AZU1: variants seen among roughly 807,000 people sequenced by gnomAD.
AZU1 encodes azurocidin.
In AZU1, 21 loss-of-function variants were observed where a neutral mutation model predicts 17.8. The ratio of observed to expected loss-of-function variants is 1.18; its 90% CI spans 0.84 to 1.70. AZU1 has a LOEUF of 1.70. AZU1 is among the 40% of genes most tolerant of loss of function. The pLI, the probability that AZU1 is intolerant of heterozygous loss-of-function variation, is 0.00. For missense variants in AZU1, 379 were observed against 362.9 expected (o/e 1.04, Z -0.36); for synonymous variants, 178 against 155.2 (o/e 1.15, Z -1.09).
chr19:829,764 G>C, intron 3 of AZU1, 58 bp downstream of exon 3: 1 of 1,585,450 alleles, frequency 6.3e-7, no homozygotes, highest in Non-Finnish European at 8.6e-7. Flanking sequence ...GTTAGCCAGG[G>C]AAACAAGTCC....
At chr19:831,124 C>A in intron 4 of AZU1, 183 bp downstream of exon 4, 1 of 620,504 alleles carries the variant, frequency 1.6e-6, no homozygotes, top group Non-Finnish European at 2.7e-6. Context: ...GTCGCCCAGG[C>A]TGGAGTGTAG....
intron 3 of AZU1, 77 bp downstream of exon 3, chr19:829,783 T>G: frequency 6.5e-7 from 1 of 1,548,250 alleles, no homozygotes; most frequent in Non-Finnish European, 8.8e-7. Flanking sequence ...CCAAACTTGG[T>G]CTCTACAAAA....
chr19:830,560 G>T (rs865855072), intron 3 of AZU1, 148 bp from the exon 4 acceptor site: 9 of 696,084 alleles, frequency 1.3e-5, no homozygotes, highest in Non-Finnish European at 1.8e-5. Flanking sequence ...GAATACAGGC[G>T]TGAGCCACCG....
chr19:830,889 G>T lies in AZU1; in HGVS notation c.542G>T (p.Arg181Leu). The T allele has an allele frequency of 6.2e-7, 1 of 1,605,728 alleles. No homozygotes were observed. Among genetic ancestry groups the T allele is most frequent in the Non-Finnish European group, 8.5e-7 (1 of 1,179,936 alleles). Residue 181 changes from arginine to leucine, a missense_variant, in exon 4 of 5, where the codon CGC becomes CTC. By Grantham distance (102) the Arg-to-Leu change is moderately radical (BLOSUM62 -2). Transcript: ENST00000233997. ...NVTVTPEDQC[R>L]PNNVCTGVLT... ...ACTGTGACCCCCGAGGACCAGTGTC[G>T]CCCCAACAACGTGTGCACCGGTGTG...
chr19:828,186 G>A, intron 1 of AZU1, 44 bp from the exon 2 acceptor site: 1 of 1,550,622 alleles, frequency 6.4e-7, no homozygotes. Flanking sequence ...CCCGGCCACT[G>A]TGTGGATTCT....
chr19:831,838 C>G lies in AZU1; in HGVS notation c.717C>G (p.Ile239Met), dbSNP rs747477444. 6.2e-7 allele frequency: 1 copy of G among 1,612,726 alleles called. No homozygotes were observed. Among genetic ancestry groups the G allele is most frequent in the Non-Finnish European group, 8.5e-7 (1 of 1,179,792 alleles). The change falls in exon 5 of 5, where the codon ATC becomes ATG. Residue 239 changes from isoleucine (I) to methionine (M), a missense_variant. Transcript: ENST00000233997. ...GAGTGGCGCTCTTCCGAGACTGGAT[C>G]GATGGTGTTCTCAACAACCCGGGAC... is the stretch of plus-strand genomic sequence containing the variant. Reference protein sequence around the residue: ...FTRVALFRDWIDGVLNNPGPG... With the variant: ...FTRVALFRDWMDGVLNNPGPG...
rs547188688 is a variant in AZU1, at chr19:829,497, G to A, written c.216-65G>A. 23 of 1,575,628 alleles carry A rather than the reference G, an allele frequency of 1.5e-5. No individual in the cohort carries two copies. The Admixed American group carries it at 1.6e-4, about 11-fold the overall frequency. ...TGGGATCCCCCCTAATTTGCAAGCC[G>A]GCTTGCTCTGTGCCCAGGCCCCAGC... On this transcript the variant is annotated intron_variant, in intron 2 of 4. Coordinates refer to ENST00000233997, the MANE Select transcript of AZU1 (RefSeq NM_001700.5).
intron 2 of AZU1, 31 bp downstream of exon 2, chr19:828,417 G>A: frequency 1.3e-6 from 2 of 1,507,872 alleles, no homozygotes; most frequent in Non-Finnish European, 1.8e-6. Context: ...GGCCTAGGGG[G>A]CATTGGGGCT....
chr19:829,496 C>A, intron 2 of AZU1, 66 bp from the exon 3 acceptor site: 1 of 1,556,210 alleles, frequency 6.4e-7, no homozygotes, highest in Non-Finnish European at 8.7e-7. Flanking sequence ...ATTTGCAAGC[C>A]GGCTTGCTCT....
Position 830,821 on chromosome 19 carries a change from C to T in AZU1, c.474C>T (p.Arg158=). The part of the protein sequence containing the change: ...RCQVAGWGSQ[R]SGGRLSRFPR... The stretch of plus-strand genomic sequence containing the variant: ...AGGTGGCCGGCTGGGGGAGCCAGCG[C>T]AGTGGGGGGCGTCTCTCCCGTTTTC... The change falls in exon 4 of 5, where the codon CGC becomes CGT. Residue 158 remains arginine, a synonymous_variant. Transcript: ENST00000233997. 1 of 1,607,690 alleles carries T rather than the reference C, an allele frequency of 6.2e-7. No individual in the cohort carries two copies. Among genetic ancestry groups the T allele is most frequent in the Non-Finnish European group, 8.5e-7 (1 of 1,179,952 alleles).
At chr19:831,524 G>A (rs747767994) in intron 4 of AZU1, 192 bp from the exon 5 acceptor site, 66 of 630,812 alleles carry the variant, frequency 1.0e-4, no homozygotes, top group Non-Finnish European at 1.1e-4. Context: ...GAGGTGCCAG[G>A]AAGCTCCAGA....
chr19:828,418 C>T, intron 2 of AZU1, 32 bp downstream of exon 2: 2 of 1,135,984 alleles, frequency 1.8e-6, no homozygotes, highest in African/African-American at 3.5e-5. Context: ...GCCTAGGGGG[C>T]ATTGGGGCTC....
intron 2 of AZU1, among the ~76,000 whole-genome samples, chr19:828,981 T>G (rs1456697699): frequency 5.1e-5 from 3 of 58,830 alleles, no homozygotes; most frequent in African/African-American, 7.1e-5. Context: ...GGGAAGGGGG[T>G]CAGATGGGGG....
Position 830,906 on chromosome 19 carries a change from A to G in AZU1, c.559A>G (p.Thr187Ala). 6.2e-7 allele frequency: 1 copy of G among 1,604,088 alleles called. No homozygotes were observed. Among genetic ancestry groups the G allele is most frequent in the South Asian group, 1.1e-5 (1 of 91,062 alleles). The change falls in exon 4 of 5, where the codon ACC becomes GCC. Residue 187 changes from threonine to alanine, a missense_variant. Thr to Ala is a moderately conservative substitution (Grantham distance 58). Transcript: ENST00000233997. ...EDQCRPNNVCTGVLTRRGGIC... is the reference protein window; with the variant it reads ...EDQCRPNNVCAGVLTRRGGIC... ...CCAGTGTCGCCCCAACAACGTGTGC[A>G]CCGGTGTGCTCACCCGCCGCGGTGG...
rs1415878517 is a variant in AZU1 at position 829,642 on chromosome 19, T to A, written c.296T>A (p.Ile99Asn). Residue 99 changes from isoleucine to asparagine, a missense_variant, in exon 3 of 5, where the codon ATC becomes AAC. Coordinates refer to ENST00000233997, the MANE Select transcript of AZU1 (RefSeq NM_001700.5). ...RERQSRQTFS[I>N]SSMSENGYDP... is the part of the protein sequence containing the mutation. Reference sequence around the variant, plus strand: ...AGGCAGTCCCGCCAGACGTTTTCCATCAGCAGCATGAGCGAGAATGGCTAC... The same window carrying A: ...AGGCAGTCCCGCCAGACGTTTTCCAACAGCAGCATGAGCGAGAATGGCTAC... The A allele has an allele frequency of 2.5e-6, 4 of 1,613,350 alleles. No homozygotes were observed. In the Admixed American group the frequency reaches 6.7e-5, roughly 27 times the overall value.
At chr19:831,692 C>G (rs1444290313) in intron 4 of AZU1, 24 bp from the exon 5 acceptor site, 1 of 1,574,710 alleles carries the variant, frequency 6.4e-7, no homozygotes, top group East Asian at 2.3e-5. Context: ...CTGGGACGCC[C>G]TGACACAGCT....
intron 3 of AZU1, 75 bp from the exon 4 acceptor site, chr19:830,633 A>G (rs1317109128): frequency 1.0e-5 from 13 of 1,260,250 alleles, no homozygotes; most frequent in Non-Finnish European, 1.4e-5. Flanking sequence ...TGTCGCTGAC[A>G]CTTCTGCTCC....
intron 4 of AZU1, 103 bp downstream of exon 4, chr19:831,044 C>T: frequency 4.8e-6 from 5 of 1,045,702 alleles, no homozygotes; most frequent in South Asian, 3.0e-5. Flanking sequence ...AGGGGGGCCC[C>T]AGGATTGAGC....
chr19:828,781 G>C (rs1426239423), intron 2 of AZU1, among the ~76,000 whole-genome samples: 3 of 127,406 alleles, frequency 2.4e-5, no homozygotes, highest in Admixed American at 7.7e-5. Flanking sequence ...AAGGGAAGGG[G>C]GTCAGATGGG....
Sources: allele counts gnomAD v4.1 joint callset (sites outside exome capture counted in the v4.1 genomes callset), GRCh38; gene constraint gnomAD v4.1.1; transcripts MANE v1.5; gene names NCBI Gene and HGNC (gene_info 2026-07-23, HGNC 2026-07-21).